The following MMP26 variants were observed in gnomAD, a reference collection of about 807,000 sequenced individuals.
MMP26 encodes the protein matrix metallopeptidase 26, also known as matrix metalloproteinase-26.
MMP26 carries 33 observed loss-of-function variants against 31.0 expected under a neutral mutation model. That is an observed-to-expected ratio of 1.06 (90% CI 0.81 to 1.42). The LOEUF (loss-of-function observed/expected upper bound fraction) is 1.42, where lower values mean the gene tolerates loss of function less well. Among genes scored for constraint, MMP26 ranks in the 40% most tolerant of loss-of-function variants. The pLI, the probability that MMP26 is intolerant of heterozygous loss-of-function variation, is 0.00. For missense variants in MMP26, 347 were observed against 316.1 expected, an observed-to-expected ratio of 1.10 and a Z score of -0.74; for synonymous variants, 122 against 114.9, an observed-to-expected ratio of 1.06 and a Z score of -0.40.
rs1379933536 is a variant in MMP26, at chr11:4,953,578, C to A, written c.-144-34490C>A. 4.8e-5 allele frequency among the ~76,000 whole-genome samples: 6 copies of A among 125,136 alleles called. 1 individual carries two copies. Among genetic ancestry groups the A allele is most frequent in the African/African-American group, 1.6e-4 (6 of 36,810 alleles). 82.1% of individuals were successfully genotyped at this position (125,136 alleles called of 152,430 possible). ...ATTTAAAGAAAAAAGAAAAGGAATG[C>A]CTTACACAAAATTGGTGTCAAGCAT... On this transcript the variant is annotated intron_variant, in intron 2 of 7. Transcript: ENST00000380390.
At chr11:4,971,725 G>T (rs1846668806) in intron 2 of MMP26, among the ~76,000 whole-genome samples, 3 of 152,160 alleles carry the variant, frequency 2.0e-5, no homozygotes, top group Admixed American at 1.3e-4. Flanking sequence ...TTGGCTCACA[G>T]TTCTGCAGAC....
chr11:4,709,880 C>A (rs1328620783), intron 1 of MMP26: 2 of 456,862 alleles, frequency 4.4e-6, no homozygotes, highest in African/African-American at 4.0e-5. Flanking sequence ...GCCAAATGTT[C>A]TTTATCCATG....
intron 2 of MMP26, among the ~76,000 whole-genome samples, chr11:4,930,929 AT>A (rs1851338091): frequency 6.6e-6 from 1 of 152,030 alleles, no homozygotes; most frequent in African/African-American, 2.4e-5. Flanking sequence ...ATTTTAAATC[AT>A]TTTAATTATT....
intron 1 of MMP26, among the ~76,000 whole-genome samples, chr11:4,727,124 A>T (rs1205581791): frequency 6.6e-6 from 1 of 152,036 alleles, no homozygotes; most frequent in Non-Finnish European, 1.5e-5. Context: ...ATCCAAGGGT[A>T]AGAAAAAAAT....
rs575349355 is a variant in MMP26 at position 4,923,258 on chromosome 11, C to T, written c.-144-64810C>T. 3.3e-4 allele frequency: 334 copies of T among 1,023,260 alleles called. 7 individuals carry two copies. In the South Asian group the frequency reaches 5.2e-3, roughly 16 times the overall value. The allele number at this position is 1,023,260 out of a possible 1,614,324, so 63.4% of individuals were successfully genotyped here. A position where few individuals can be genotyped will look rare whatever the true frequency, so the allele number is the denominator to read the frequency against. ...CTCCTGGTCACACTGCCTTATGTTG[C>T]ACAGCCAATTGCCTTTTTGTTGACA... On this transcript the variant is annotated intron_variant, in intron 2 of 7. Coordinates refer to ENST00000380390, the MANE Select transcript of MMP26 (RefSeq NM_021801.5).
intron 2 of MMP26, among the ~76,000 whole-genome samples, chr11:4,928,983 T>C (rs1052170490): frequency 2.0e-5 from 3 of 152,128 alleles, no homozygotes; most frequent in Admixed American, 1.3e-4. Flanking sequence ...GGGCAATGTA[T>C]TTGACAATGC....
At chr11:4,936,924 G>T (rs16907539) in intron 2 of MMP26, among the ~76,000 whole-genome samples, 16,139 of 152,122 alleles carry the variant, frequency 0.11, 973 homozygotes, top group Middle Eastern at 0.24. Context: ...TCTGTGCAAG[G>T]TGACCTCGAA....
At chr11:4,945,259 T>G (rs886980125) in intron 2 of MMP26, 1 of 152,002 alleles carries the variant, frequency 6.6e-6, no homozygotes, top group African/African-American at 2.4e-5. Context: ...AAAATAGAAA[T>G]GCATTATACA....
intron 2 of MMP26, among the ~76,000 whole-genome samples, chr11:4,778,110 C>T (rs1848812444): frequency 6.6e-6 from 1 of 152,046 alleles, no homozygotes; most frequent in South Asian, 2.1e-4. Context: ...AATCAATTCA[C>T]ATCTTTCTCT....
intron 1 of MMP26, among the ~76,000 whole-genome samples, chr11:4,706,307 TC>T: frequency 6.6e-6 from 1 of 152,082 alleles, no homozygotes; most frequent in South Asian, 2.1e-4. Flanking sequence ...ACACTTGTAA[TC>T]CCAGCACTTT....
intron 2 of MMP26, among the ~76,000 whole-genome samples, chr11:4,810,764 A>G (rs1426940833): frequency 6.6e-6 from 1 of 152,162 alleles, no homozygotes; most frequent in African/African-American, 2.4e-5. Flanking sequence ...GGCCCTCTTC[A>G]CTCAATCTGA....
At chr11:4,880,209 C>T (rs1012104085) in intron 2 of MMP26, among the ~76,000 whole-genome samples, 4 of 152,044 alleles carry the variant, frequency 2.6e-5, no homozygotes, top group Admixed American at 2.0e-4. Context: ...AAAGCCCTCG[C>T]TTTTGGAAGC....
intron 2 of MMP26, among the ~76,000 whole-genome samples, chr11:4,822,667 A>C (rs1849526788): frequency 1.3e-5 from 2 of 152,212 alleles, no homozygotes; most frequent in Non-Finnish European, 2.9e-5. Flanking sequence ...CAATTATAAA[A>C]GTTCACATTT....
intron 2 of MMP26, among the ~76,000 whole-genome samples, chr11:4,904,564 T>A (rs1408158313): frequency 6.6e-6 from 1 of 152,142 alleles, no homozygotes; most frequent in Non-Finnish European, 1.5e-5. Context: ...TGTACATTTT[T>A]ACTGTATGAT....
chr11:4,944,897 C>T (rs1589946925), intron 2 of MMP26: 1 of 151,916 alleles, frequency 6.6e-6, no homozygotes, highest in Non-Finnish European at 1.5e-5. Flanking sequence ...CAGTGAACAT[C>T]TTTTTCAACA....
chr11:4,855,801 A>T (rs143335931), intron 2 of MMP26, among the ~76,000 whole-genome samples: 1,756 of 152,312 alleles, frequency 0.012, 36 homozygotes, highest in African/African-American at 0.04. Flanking sequence ...TGACGGGAAA[A>T]ATGTTAAGGG....
intron 1 of MMP26, among the ~76,000 whole-genome samples, chr11:4,742,264 G>A (rs1848324474): frequency 6.6e-6 from 1 of 152,212 alleles, no homozygotes. Context: ...TAGTTGACTA[G>A]AGGACAAAGA....
At chr11:4,809,462 A>G (rs558689015) in intron 2 of MMP26, among the ~76,000 whole-genome samples, 9 of 152,286 alleles carry the variant, frequency 5.9e-5, no homozygotes, top group Non-Finnish European at 8.8e-5. Context: ...TTGGATTTCA[A>G]TGATCTCACC....
At chr11:4,852,285 T>C (rs761349664) in intron 2 of MMP26, among the ~76,000 whole-genome samples, 1 of 151,952 alleles carries the variant, frequency 6.6e-6, no homozygotes, top group Non-Finnish European at 1.5e-5. Context: ...ACTCAATAAT[T>C]GATAAAACAA....
Sources: allele counts gnomAD v4.1 joint callset (sites outside exome capture counted in the v4.1 genomes callset), GRCh38; gene constraint gnomAD v4.1.1; transcripts MANE v1.5; gene names NCBI Gene and HGNC (gene_info 2026-07-23, HGNC 2026-07-21).